Variants in VANGL1 observed in about 807,000 individuals in gnomAD.
VANGL1 encodes VANGL planar cell polarity protein 1.
In VANGL1, 18 loss-of-function variants were observed where a neutral mutation model predicts 48.4. The observed-to-expected ratio is 0.37, with a 90% CI of 0.26 to 0.55. The LOEUF (loss-of-function observed/expected upper bound fraction) is 0.55, where lower values mean the gene tolerates loss of function less well. Ranked by LOEUF, VANGL1 falls within the 20% of genes least tolerant of loss-of-function variation. VANGL1 has a pLI of 0.81. For synonymous variants in VANGL1, 257 were observed against 261.8 expected (o/e 0.98, Z 0.18); for missense variants, 667 against 675.8 (o/e 0.99, Z 0.14).
At position 115,642,032 on chromosome 1, in the gene VANGL1, GGGGCCGCTGTGAGCCGAGACCGC is replaced by G. The variant is rs1359205662; in HGVS notation, c.-184_-162del. ...GGAGCCCAGCGCAGGCCGCAGAGCCGGGGCCGCTGTGAGCCGAGACCGCGGGCCGCGGAGCTCGGGCGGCCGGC... is the reference window on the plus strand; with the variant it reads ...GGAGCCCAGCGCAGGCCGCAGAGCCGGGGCCGCGGAGCTCGGGCGGCCGGC... On this transcript the variant is annotated 5_prime_UTR_variant, in exon 1 of 8. Coordinates refer to ENST00000355485, the MANE Select transcript of VANGL1 (RefSeq NM_138959.3). 30 of 151,464 alleles carry G rather than the reference GGGGCCGCTGTGAGCCGAGACCGC, an allele frequency of 2.0e-4. No individual in the cohort carries two copies. In the East Asian group the frequency reaches 5.9e-3, roughly 30 times the overall value. 9.4% of individuals were successfully genotyped at this position (151,464 alleles called of 1,614,324 possible).
chr1:115,682,405 A>G lies in VANGL1; in HGVS notation c.854A>G (p.Lys285Arg). The G allele has an allele frequency of 6.2e-7, 1 of 1,614,188 alleles. No individual in the cohort carries two copies. Among genetic ancestry groups the G allele is most frequent in the South Asian group, 1.1e-5 (1 of 91,084 alleles). ...AALVVLENYY[K>R]DFTIYNPNLL... ...TTGGTGGTCCTAGAAAATTACTACA[A>G]AGATTTCACCATCTATAACCCAAAC... The change falls in exon 5 of 8, where the codon AAA becomes AGA. Residue 285 changes from lysine (K) to arginine (R), a missense_variant. Coordinates refer to ENST00000355485, the MANE Select transcript of VANGL1 (RefSeq NM_138959.3).
chr1:115,644,626 G>C (rs1651849963), intron 1 of VANGL1, among the ~76,000 whole-genome samples: 1 of 152,126 alleles, frequency 6.6e-6, no homozygotes, highest in Non-Finnish European at 1.5e-5. Context: ...CCCAGTTACA[G>C]GACAACAGTG....
At chr1:115,670,528 C>T (rs1016628213) in intron 4 of VANGL1, among the ~76,000 whole-genome samples, 1 of 152,140 alleles carries the variant, frequency 6.6e-6, no homozygotes, top group Non-Finnish European at 1.5e-5. Flanking sequence ...AGGATATTTC[C>T]AGCTCCTTTT....
intron 1 of VANGL1, among the ~76,000 whole-genome samples, chr1:115,643,508 C>T (rs939859200): frequency 2.0e-5 from 3 of 152,194 alleles, no homozygotes; most frequent in African/African-American, 7.2e-5. Flanking sequence ...TAACACGCTT[C>T]ACCTATCCAT....
intron 4 of VANGL1, among the ~76,000 whole-genome samples, chr1:115,681,503 G>GTTGTTTTTT (rs1553189431): frequency 8.7e-6 from 1 of 114,880 alleles, no homozygotes. Context: ...TTTTTTTGTT[G>GTTGTTTTTT]TTTTTTTTGT....
At chr1:115,683,257 A>G (rs932068330) in intron 5 of VANGL1, among the ~76,000 whole-genome samples, 2 of 152,244 alleles carry the variant, frequency 1.3e-5, no homozygotes, top group Non-Finnish European at 2.9e-5. Context: ...GATTCCCACT[A>G]GTGAAACCAA....
chr1:115,692,503 A>T lies in VANGL1; in HGVS notation c.*1124A>T, dbSNP rs570088872. On this transcript the variant is annotated 3_prime_UTR_variant, in exon 8 of 8. Transcript: ENST00000355485. ...CACTGTGCAACTCATCGCCTCTGCC[A>T]CTTAGGACCAGGAAAGAGGCTGGTT... is the stretch of plus-strand genomic sequence containing the variant. The T allele has an allele frequency of 6.5e-6, 1 of 152,826 alleles. No individual in the cohort carries two copies. Among genetic ancestry groups the T allele is most frequent in the Non-Finnish European group, 1.5e-5 (1 of 68,088 alleles). The allele number at this position is 152,826 out of a possible 1,614,324, so 9.5% of individuals were successfully genotyped here.
chr1:115,686,867 A>G (rs1387494280), intron 7 of VANGL1, among the ~76,000 whole-genome samples: 1 of 140,774 alleles, frequency 7.1e-6, no homozygotes, highest in Non-Finnish European at 1.6e-5. Flanking sequence ...TTACTGTTGT[A>G]TCAATGAGGA....
At chr1:115,644,864 G>C (rs1376522961) in intron 1 of VANGL1, among the ~76,000 whole-genome samples, 1 of 152,166 alleles carries the variant, frequency 6.6e-6, no homozygotes, top group Non-Finnish European at 1.5e-5. Context: ...TTCTGGCAAG[G>C]TGAGTTGAAA....
chr1:115,664,351 G>A, intron 4 of VANGL1, 83 bp downstream of exon 4: 2 of 1,546,102 alleles, frequency 1.3e-6, no homozygotes, highest in Non-Finnish European at 8.7e-7. Flanking sequence ...GAGGGGTGGT[G>A]ACAGATGCCA....
At chr1:115,649,393 T>C (rs1267050902) in intron 1 of VANGL1, among the ~76,000 whole-genome samples, 5 of 152,154 alleles carry the variant, frequency 3.3e-5, no homozygotes, top group Non-Finnish European at 7.3e-5. Context: ...GGTGTACAGC[T>C]AGTTAGTAGG....
intron 4 of VANGL1, among the ~76,000 whole-genome samples, chr1:115,675,867 AT>A (rs1653141648): frequency 6.6e-6 from 1 of 152,072 alleles, no homozygotes; most frequent in African/African-American, 2.4e-5. Flanking sequence ...GATTTCTCTG[AT>A]TCTTGAATCT....
chr1:115,648,520 TAATG>T (rs1652018726), intron 1 of VANGL1, among the ~76,000 whole-genome samples: 1 of 152,164 alleles, frequency 6.6e-6, no homozygotes, highest in East Asian at 1.9e-4. Flanking sequence ...GGAGTTGTCT[TAATG>T]AATGGCCACA....
chr1:115,645,781 T>C (rs1651890511), intron 1 of VANGL1, among the ~76,000 whole-genome samples: 1 of 152,198 alleles, frequency 6.6e-6, no homozygotes, highest in Non-Finnish European at 1.5e-5. Context: ...AAATCAAATA[T>C]TCAGAATAAT....
rs1653966212 is a variant in VANGL1, at chr1:115,694,583, A to G, written c.*3204A>G. 6.6e-6 allele frequency: 1 copy of G among 152,176 alleles called. No homozygotes were observed. The highest frequency in any genetic ancestry group is 1.5e-5 in the Non-Finnish European group (1 of 68,044). 9.4% of individuals were successfully genotyped at this position (152,176 alleles called of 1,614,324 possible). Reference sequence around the variant, plus strand: ...GGCTGTAGCTCTGTGGGATGCTACCAGCATATTGGACTGACAGAAATTGAT... The same window carrying G: ...GGCTGTAGCTCTGTGGGATGCTACCGGCATATTGGACTGACAGAAATTGAT... On this transcript the variant is annotated 3_prime_UTR_variant, in exon 8 of 8. Transcript: ENST00000355485.
chr1:115,650,815 A>G (rs1652111375), intron 1 of VANGL1, among the ~76,000 whole-genome samples: 1 of 151,610 alleles, frequency 6.6e-6, no homozygotes, highest in Non-Finnish European at 1.5e-5. Flanking sequence ...AGAAATTCGG[A>G]TCCTAGATCA....
chr1:115,659,713 T>C lies in VANGL1; in HGVS notation c.144T>C (p.Ile48=). The stretch of plus-strand genomic sequence containing the variant: ...GAGGGTCAGAAAAGTCTGTCACCAT[T>C]CAACCTCCCACTGGAGAGCCCCTGT... ...DGRGSEKSVT[I]QPPTGEPLLG... The change falls in exon 3 of 8, where the codon ATT becomes ATC. Residue 48 remains isoleucine (I), a synonymous_variant. Transcript: ENST00000355485. The C allele has an allele frequency of 6.2e-7, 1 of 1,614,122 alleles. No homozygotes were observed. The highest frequency in any genetic ancestry group is 1.1e-5 in the South Asian group (1 of 91,076).
At chr1:115,662,176 C>A (rs369251278) in intron 3 of VANGL1, among the ~76,000 whole-genome samples, 10 of 152,156 alleles carry the variant, frequency 6.6e-5, no homozygotes, top group East Asian at 1.9e-4. Context: ...TTGAGACCTT[C>A]ACCACCACCG....
At chr1:115,682,137 T>C (rs1387261169) in intron 4 of VANGL1, among the ~76,000 whole-genome samples, 1 of 152,234 alleles carries the variant, frequency 6.6e-6, no homozygotes, top group Non-Finnish European at 1.5e-5. Flanking sequence ...GGGATGTGGC[T>C]AATCACAGGT....
Sources: allele counts gnomAD v4.1 joint callset (sites outside exome capture counted in the v4.1 genomes callset), GRCh38; gene constraint gnomAD v4.1.1; transcripts MANE v1.5; gene names NCBI Gene and HGNC (gene_info 2026-07-23, HGNC 2026-07-21).